The following ECT2L variants were observed in gnomAD, a reference collection of about 807,000 sequenced individuals.
The protein encoded by ECT2L is epithelial cell-transforming sequence 2 oncogene-like.
In ECT2L, 126 loss-of-function variants were observed where a neutral mutation model predicts 122.8. That is an observed-to-expected ratio of 1.03 (90% confidence interval 0.89 to 1.19). ECT2L has a LOEUF of 1.19. Among genes scored for constraint, ECT2L ranks in the 50% most tolerant of loss-of-function variants. ECT2L has a pLI of 0.00. For synonymous variants in ECT2L, 385 were observed against 381.8 expected (o/e 1.01, Z -0.10); for missense variants, 1,012 against 1,064.1 (o/e 0.95, Z 0.68).
At chr6:138,851,974 G>A (rs763059712) in intron 9 of ECT2L, among the ~76,000 whole-genome samples, 1 of 152,098 alleles carries the variant, frequency 6.6e-6, no homozygotes, top group African/African-American at 2.4e-5. Flanking sequence ...TTGTTACAGG[G>A]CAGCCGTCAA....
intron 13 of ECT2L, 25 bp downstream of exon 13, chr6:138,868,231 A>C: frequency 6.3e-7 from 1 of 1,577,074 alleles, no homozygotes; most frequent in Non-Finnish European, 8.7e-7. Flanking sequence ...GAAGAAAGTA[A>C]ACTATGAAAA....
intron 1 of ECT2L, among the ~76,000 whole-genome samples, chr6:138,804,299 T>C (rs1775642815): frequency 6.6e-6 from 1 of 152,234 alleles, no homozygotes. Flanking sequence ...TTTTCTTTTA[T>C]AAAACAGATA....
rs768764289 is a variant in ECT2L at position 138,893,164 on chromosome 6, GTTTTTTTTTGT to G, written c.2414+4153_2414+4163del. Among the ~76,000 whole-genome samples the G allele has an allele frequency of 1.2e-3, 166 of 140,688 alleles. 1 individual carries two copies. Among genetic ancestry groups the G allele is most frequent in the Admixed American group, 2.1e-3 (31 of 14,644 alleles). The allele number at this position is 140,688 out of a possible 152,430, so 92.3% of individuals were successfully genotyped here. ...CTGTGACCTTCACAAGTGCTTCTCA[GTTTTTTTTTGT>G]TTTTTTTTTGTTTTTTTTTGTTTTT... On this transcript the variant is annotated intron_variant, in intron 20 of 21. Transcript: ENST00000541398.
rs1385479094 is a variant in ECT2L at position 138,891,579 on chromosome 6, T to A, written c.2414+2548T>A. On this transcript the variant is annotated intron_variant, in intron 20 of 21. Transcript: ENST00000541398. ...TTTCAACCAATTGCCAATCAAAAAA[T>A]CTTTTGAATCCCCCCCATGACCTGG... is the stretch of plus-strand genomic sequence containing the variant. 5.4e-5 allele frequency among the ~76,000 whole-genome samples: 3 copies of A among 55,328 alleles called. No homozygotes were observed. The Admixed American group carries it at 5.4e-4, about 10-fold the overall frequency. The allele number at this position is 55,328 out of a possible 152,430, so 36.3% of individuals were successfully genotyped here.
chr6:138,841,309 GAGT>G (rs974111606), intron 5 of ECT2L, among the ~76,000 whole-genome samples: 1 of 152,186 alleles, frequency 6.6e-6, no homozygotes, highest in African/African-American at 2.4e-5. Flanking sequence ...ACCAGATACT[GAGT>G]ATACAAAATT....
chr6:138,885,555 A>C lies in ECT2L; in HGVS notation c.2078A>C (p.Lys693Thr). The part of the protein sequence containing the change: ...AFRTFLKRHD[K>T]TIVTKMLSLP... ...CGAACTTTCCTGAAGAGGCATGATA[A>C]GACCATTGTTACCAAAATGCTGAGG... Residue 693 changes from lysine (K) to threonine (T), a missense_variant, in exon 17 of 22, where the codon AAG (lysine) becomes ACG (threonine). Lys to Thr is a moderately conservative substitution (Grantham distance 78). Coordinates refer to ENST00000541398, the MANE Select transcript of ECT2L (RefSeq NM_001077706.3). 1 of 1,614,204 alleles carries C rather than the reference A, an allele frequency of 6.2e-7. No individual in the cohort carries two copies. Among genetic ancestry groups the C allele is most frequent in the Non-Finnish European group, 8.5e-7 (1 of 1,180,024 alleles).
At chr6:138,848,067 T>C (rs1777298197) in intron 8 of ECT2L, among the ~76,000 whole-genome samples, 1 of 152,122 alleles carries the variant, frequency 6.6e-6, no homozygotes, top group Non-Finnish European at 1.5e-5. Flanking sequence ...TCAGATCTCA[T>C]GAAAACTCAC....
At chr6:138,805,075 G>C (rs1453811145) in intron 1 of ECT2L, among the ~76,000 whole-genome samples, 1 of 152,182 alleles carries the variant, frequency 6.6e-6, no homozygotes, top group Non-Finnish European at 1.5e-5. Flanking sequence ...ATGAACCCGT[G>C]CCACATGTAT....
Position 138,902,806 on chromosome 6 carries a change from AGAAT to A in ECT2L, c.*181_*184del. The A allele has an allele frequency of 1.5e-6, 1 of 672,220 alleles. No individual in the cohort carries two copies. Among genetic ancestry groups the A allele is most frequent in the Non-Finnish European group, 2.4e-6 (1 of 417,848 alleles). 41.6% of individuals were successfully genotyped at this position (672,220 alleles called of 1,614,324 possible). A position where few individuals can be genotyped will look rare whatever the true frequency, so the allele number is the denominator to read the frequency against. ...CTTTATCACTTGTGCTCACTTATGT[AGAAT>A]GTATAAGTACATTTTGAGTCCAAAA... On this transcript the variant is annotated 3_prime_UTR_variant, in exon 22 of 22. Transcript: ENST00000541398.
rs1438572234 is a variant in ECT2L at position 138,842,984 on chromosome 6, C to T, written c.348C>T (p.Cys116=). 1 of 1,517,174 alleles carries T rather than the reference C, an allele frequency of 6.6e-7. No individual in the cohort carries two copies. The highest frequency in any genetic ancestry group is 8.9e-7 in the Non-Finnish European group (1 of 1,121,204). The allele number at this position is 1,517,174 out of a possible 1,614,324, so 94.0% of individuals were successfully genotyped here. Reference sequence around the variant, plus strand: ...TCTTCCTCTTGTTTCTGAAGGATTGCTTATGGATGCCCAAATGCGTTAAGT... The same window carrying T: ...TCTTCCTCTTGTTTCTGAAGGATTGTTTATGGATGCCCAAATGCGTTAAGT... ...WPWKFLTEQD[C]LWMPKCVKFG... The change falls in exon 6 of 22, where the codon TGC becomes TGT. Residue 116 remains cysteine (C), a synonymous_variant. Coordinates refer to ENST00000541398, the MANE Select transcript of ECT2L (RefSeq NM_001077706.3).
At chr6:138,875,963 A>C (rs183631755) in intron 13 of ECT2L, among the ~76,000 whole-genome samples, 1 of 152,198 alleles carries the variant, frequency 6.6e-6, no homozygotes, top group Non-Finnish European at 1.5e-5. Context: ...TCTACTAAAA[A>C]TACAAAAATT....
chr6:138,861,572 G>C (rs2128398814), intron 10 of ECT2L, among the ~76,000 whole-genome samples: 1 of 152,178 alleles, frequency 6.6e-6, no homozygotes, highest in East Asian at 1.9e-4. Context: ...CATTTTGATG[G>C]GGATTTTTTT....
intron 7 of ECT2L, among the ~76,000 whole-genome samples, chr6:138,845,747 C>A (rs892628127): frequency 1.3e-5 from 2 of 152,292 alleles, no homozygotes; most frequent in East Asian, 3.9e-4. Context: ...TGAATGTGTG[C>A]ATGTACATTT....
chr6:138,796,450 C>T (rs891458581), intron 1 of ECT2L, among the ~76,000 whole-genome samples: 1 of 152,216 alleles, frequency 6.6e-6, no homozygotes, highest in Non-Finnish European at 1.5e-5. Context: ...AAACTCTTAC[C>T]TCCTCCAGAG....
chr6:138,876,670 TA>T (rs10708030), intron 14 of ECT2L, 112 bp downstream of exon 14: 191,926 of 457,428 alleles, frequency 0.42, 21,808 homozygotes, highest in Admixed American at 0.48. Flanking sequence ...TTTGGGGGAT[TA>T]AAAAAAAAAA....
At chr6:138,866,923 A>G (rs1778061156) in intron 12 of ECT2L, among the ~76,000 whole-genome samples, 1 of 151,914 alleles carries the variant, frequency 6.6e-6, no homozygotes, top group African/African-American at 2.4e-5. Flanking sequence ...AAAATACAAA[A>G]GTTAGCTGGG....
At chr6:138,882,400 C>T (rs981689701) in intron 15 of ECT2L, among the ~76,000 whole-genome samples, 2 of 152,194 alleles carry the variant, frequency 1.3e-5, no homozygotes, top group Non-Finnish European at 2.9e-5. Flanking sequence ...CCTCTACAAA[C>T]TGTAAGAACT....
chr6:138,831,753 G>A (rs146890785), intron 4 of ECT2L, among the ~76,000 whole-genome samples: 280 of 152,268 alleles, frequency 1.8e-3, no homozygotes, highest in Admixed American at 0.015. Flanking sequence ...ACCGCAGAAT[G>A]TAAGAAGGGA....
chr6:138,843,236 G>A lies in ECT2L; in HGVS notation c.595+5G>A, dbSNP rs1777107512. 1.3e-6 allele frequency: 2 copies of A among 1,582,384 alleles called. No individual in the cohort carries two copies. Among genetic ancestry groups the A allele is most frequent in the Middle Eastern group, 1.7e-4 (1 of 5,866 alleles). On this transcript the variant is annotated splice_donor_5th_base_variant and intron_variant, in intron 6 of 21. Transcript: ENST00000541398. Reference sequence around the variant, plus strand: ...AGAAAATTGCACTACGTAAGAGTAAGTAGCATTTTAAACCTTTATATCTTA... The same window carrying A: ...AGAAAATTGCACTACGTAAGAGTAAATAGCATTTTAAACCTTTATATCTTA...
Sources: gnomAD v4.1 joint callset for allele counts (sites outside exome capture counted in the v4.1 genomes callset) on GRCh38, gnomAD v4.1.1 for gene constraint, MANE v1.5 for transcripts, NCBI Gene and HGNC (gene_info 2026-07-23, HGNC 2026-07-21) for gene names.